Variants in BOC observed in about 807,000 individuals in gnomAD.
The protein encoded by BOC is BOC cell adhesion associated, oncogene regulated.
Under a neutral mutation model 112.0 loss-of-function variants are expected in BOC, and 76 were observed. That is an observed-to-expected ratio of 0.68 (90% confidence interval 0.56 to 0.82). BOC has a LOEUF of 0.82. Ranked by LOEUF, BOC falls within the 40% of genes least tolerant of loss-of-function variation. The pLI, the probability that BOC is intolerant of heterozygous loss-of-function variation, is 0.00. For missense variants in BOC, 1,309 were observed against 1,511.7 expected, an observed-to-expected ratio of 0.87 and a Z score of 2.22; for synonymous variants, 580 against 599.8, an observed-to-expected ratio of 0.97 and a Z score of 0.48.
rs796877776 is a variant in BOC, at chr3:113,249,861, G to A, written c.59G>A (p.Cys20Tyr). The A allele has an allele frequency of 2.0e-5, 32 of 1,612,454 alleles. No individual in the cohort carries two copies. In the African/African-American group the frequency reaches 4.0e-4, roughly 20 times the overall value. Residue 20 changes from cysteine (C) to tyrosine (Y), a missense_variant, in exon 3 of 20, where the codon TGC becomes TAC. Cys to Tyr is a radical substitution (Grantham distance 194). Transcript: ENST00000682979. ...ATGAGGCCTGAGGTCACACTGGCTTGCCTCCTCCTAGCCACAGCAGGCTGC... is the reference window on the plus strand; with the variant it reads ...ATGAGGCCTGAGGTCACACTGGCTTACCTCCTCCTAGCCACAGCAGGCTGC... ...RGMRPEVTLA[C>Y]LLLATAGCFA... is the part of the protein sequence containing the mutation.
At chr3:113,259,937 A>T (rs1248427323) in intron 4 of BOC, among the ~76,000 whole-genome samples, 1 of 151,994 alleles carries the variant, frequency 6.6e-6, no homozygotes, top group Admixed American at 6.6e-5. Context: ...GAAAGTTCCC[A>T]CCTCTGTTGG....
intron 4 of BOC, among the ~76,000 whole-genome samples, chr3:113,266,164 A>G (rs542100586): frequency 1.3e-5 from 2 of 152,342 alleles, no homozygotes; most frequent in South Asian, 4.1e-4. Context: ...GGAAAGTGAA[A>G]TGGGGCAATA....
intron 2 of BOC, among the ~76,000 whole-genome samples, chr3:113,229,936 G>A (rs1942334709): frequency 6.6e-6 from 1 of 152,172 alleles, no homozygotes; most frequent in Non-Finnish European, 1.5e-5. Flanking sequence ...AAGGAGTGGT[G>A]AAAATATTGA....
At chr3:113,214,977 T>C (rs1939064760) in intron 1 of BOC, among the ~76,000 whole-genome samples, 2 of 152,250 alleles carry the variant, frequency 1.3e-5, no homozygotes, top group Admixed American at 6.5e-5. Context: ...GCTCATCATG[T>C]GCATGCATAC....
At chr3:113,238,204 A>G (rs1943826757) in intron 2 of BOC, among the ~76,000 whole-genome samples, 1 of 152,190 alleles carries the variant, frequency 6.6e-6, no homozygotes, top group Non-Finnish European at 1.5e-5. Context: ...GGTAGAAGGA[A>G]CAGAGAGTAT....
chr3:113,241,879 G>A (rs1576386163), intron 2 of BOC, among the ~76,000 whole-genome samples: 1 of 152,022 alleles, frequency 6.6e-6, no homozygotes. Context: ...AAGCAAGGAG[G>A]GGGGTGCCAT....
At chr3:113,286,312 G>A (rs547256190) in intron 19 of BOC, among the ~76,000 whole-genome samples, 122 of 152,298 alleles carry the variant, frequency 8.0e-4, no homozygotes, top group African/African-American at 2.7e-3. Context: ...TGGATTGTGA[G>A]TGGGATGATT....
At chr3:113,280,759 C>A in intron 14 of BOC, 96 bp downstream of exon 14, 1 of 1,091,298 alleles carries the variant, frequency 9.2e-7, no homozygotes, top group Non-Finnish European at 1.4e-6. Context: ...GAAGCATAAA[C>A]CTGCATCTGG....
intron 2 of BOC, among the ~76,000 whole-genome samples, chr3:113,232,806 G>C (rs1240792952): frequency 6.6e-6 from 1 of 152,204 alleles, no homozygotes; most frequent in African/African-American, 2.4e-5. Flanking sequence ...GATTTATTAA[G>C]TTGCTGTCAC....
intron 2 of BOC, among the ~76,000 whole-genome samples, chr3:113,246,039 A>G (rs1944885830): frequency 6.6e-6 from 1 of 152,242 alleles, no homozygotes; most frequent in Admixed American, 6.5e-5. Flanking sequence ...TTCTCAAAAA[A>G]TAAATACTCT....
At chr3:113,268,678 C>T (rs1217744882) in intron 5 of BOC, among the ~76,000 whole-genome samples, 2 of 152,216 alleles carry the variant, frequency 1.3e-5, no homozygotes, top group Non-Finnish European at 2.9e-5. Context: ...ACAATCAGAG[C>T]TCACTGCAGC....
At chr3:113,273,470 A>T in intron 8 of BOC, 129 bp downstream of exon 8, 1 of 1,017,078 alleles carries the variant, frequency 9.8e-7, no homozygotes, top group Non-Finnish European at 1.4e-6. Flanking sequence ...GCTCAAATTT[A>T]TATGAACTTA....
intron 2 of BOC, among the ~76,000 whole-genome samples, chr3:113,246,891 G>A (rs1314547072): frequency 6.6e-6 from 1 of 152,088 alleles, no homozygotes; most frequent in East Asian, 1.9e-4. Context: ...CAGGATGGTG[G>A]CTGGCAGCAG....
At chr3:113,244,820 T>C (rs1168261886) in intron 2 of BOC, among the ~76,000 whole-genome samples, 1 of 152,234 alleles carries the variant, frequency 6.6e-6, no homozygotes, top group East Asian at 1.9e-4. Context: ...GTAACATTAT[T>C]CTTATGTATA....
At chr3:113,234,653 G>C (rs1250800385) in intron 2 of BOC, among the ~76,000 whole-genome samples, 2 of 152,204 alleles carry the variant, frequency 1.3e-5, no homozygotes, top group Non-Finnish European at 2.9e-5. Flanking sequence ...GGCACCTAGA[G>C]GGTGCTTACT....
chr3:113,270,804 A>AAGG lies in BOC; in HGVS notation c.527_528insAGG (p.Asn176delinsLysGly). 6.2e-7 allele frequency: 1 copy of AAGG among 1,610,632 alleles called. No individual in the cohort carries two copies. Among genetic ancestry groups the AAGG allele is most frequent in the East Asian group, 2.2e-5 (1 of 44,868 alleles). On this transcript the variant is annotated protein_altering_variant, in exon 6 of 20. Coordinates refer to ENST00000682979, the MANE Select transcript of BOC (RefSeq NM_001378074.1). ...CCTGGCCCTGCCCTTTCCACAGGTA[A>AAGG]CTACCTGATCATGCCCTCAGGGAAC...
chr3:113,214,231 C>T, intron 1 of BOC, among the ~76,000 whole-genome samples: 1 of 152,162 alleles, frequency 6.6e-6, no homozygotes, highest in East Asian at 1.9e-4. Flanking sequence ...TCCTTTCCAC[C>T]CTCCAAATGG....
At chr3:113,272,752 G>A (rs1293478287) in intron 7 of BOC, 49 bp downstream of exon 7, 1 of 1,587,606 alleles carries the variant, frequency 6.3e-7, no homozygotes, top group Non-Finnish European at 8.6e-7. Context: ...TCTCTGGTCT[G>A]TGCAGCCTTT....
chr3:113,272,210 C>T (rs974387204), intron 6 of BOC, 200 bp from the exon 7 acceptor site: 140 of 609,940 alleles, frequency 2.3e-4, no homozygotes, highest in Non-Finnish European at 2.3e-4. Flanking sequence ...ATAACAGCTC[C>T]CTGCAGAAGC....
Sources: allele counts gnomAD v4.1 joint callset (sites outside exome capture counted in the v4.1 genomes callset), GRCh38; gene constraint gnomAD v4.1.1; transcripts MANE v1.5; gene names NCBI Gene and HGNC (gene_info 2026-07-23, HGNC 2026-07-21).